The following PLCG2 variants were observed in gnomAD, a reference collection of about 807,000 sequenced individuals.
PLCG2 encodes the protein 1-phosphatidylinositol 4,5-bisphosphate phosphodiesterase gamma-2.
In PLCG2, 69 loss-of-function variants were observed where a neutral mutation model predicts 175.6. That is an observed-to-expected ratio of 0.39 (90% CI 0.32 to 0.48). The LOEUF (loss-of-function observed/expected upper bound fraction) is 0.48. Among genes scored for constraint, PLCG2 ranks in the 20% least tolerant of loss-of-function variants. The pLI, the probability that PLCG2 is intolerant of heterozygous loss-of-function variation, is 0.91. For missense variants in PLCG2, 1,798 were observed against 1,650.9 expected (o/e 1.09, Z -1.54); for synonymous variants, 827 against 624.0 (o/e 1.33, Z -4.85).
At chr16:81,875,064 A>G (rs1567510447) in intron 7 of PLCG2, among the ~76,000 whole-genome samples, 2 of 150,020 alleles carry the variant, frequency 1.3e-5, no homozygotes, top group Non-Finnish European at 2.9e-5. Context: ...TCCGGGTTCA[A>G]GCGATTCTCC....
Position 81,854,474 on chromosome 16 carries a change from C to A in PLCG2, c.224C>A (p.Pro75Gln), listed in dbSNP as rs1440269630. 11 of 1,613,922 alleles carry A rather than the reference C, an allele frequency of 6.8e-6. No homozygotes were observed. In the East Asian group the frequency reaches 2.2e-4, roughly 33 times the overall value. ...LDIMEIKEIR[P>Q]GKNSKDFERA... ...ATCATGGAAATAAAAGAAATCCGCC[C>A]AGGGAAGAACTCCAAAGATTTCGAG... The change falls in exon 3 of 33, where the codon CCA (proline) becomes CAA (glutamine). Residue 75 changes from proline (P) to glutamine (Q), a missense_variant. Physicochemically the swap from Pro to Gln is moderately conservative, Grantham distance 76 (BLOSUM62 -1). Coordinates refer to ENST00000564138, the MANE Select transcript of PLCG2 (RefSeq NM_002661.5).
At chr16:81,794,578 C>G (rs932975616) in intron 2 of PLCG2, among the ~76,000 whole-genome samples, 1 of 152,122 alleles carries the variant, frequency 6.6e-6, no homozygotes, top group Non-Finnish European at 1.5e-5. Context: ...CCTTGGGTCT[C>G]TCATGTCACC....
At chr16:81,838,607 C>G (rs1377563129) in intron 2 of PLCG2, among the ~76,000 whole-genome samples, 1 of 151,534 alleles carries the variant, frequency 6.6e-6, no homozygotes, top group Non-Finnish European at 1.5e-5. Flanking sequence ...CAGGGCCTGT[C>G]AGGGGGTGGG....
chr16:81,850,238 G>C, intron 2 of PLCG2, among the ~76,000 whole-genome samples: 1 of 152,200 alleles, frequency 6.6e-6, no homozygotes, highest in East Asian at 1.9e-4. Context: ...TTTGTTAGGT[G>C]TAAGGTTTTA....
intron 19 of PLCG2, among the ~76,000 whole-genome samples, chr16:81,914,575 T>C (rs1257140680): frequency 6.6e-6 from 1 of 152,164 alleles, no homozygotes; most frequent in African/African-American, 2.4e-5. Flanking sequence ...ATGGAAGTTT[T>C]TATTTTTTAG....
At position 81,961,227 on chromosome 16, in the gene PLCG2, A is replaced by G. The variant is rs1022622492; in HGVS notation, c.*3229A>G. On this transcript the variant is annotated 3_prime_UTR_variant, in exon 33 of 33. Coordinates refer to ENST00000564138, the MANE Select transcript of PLCG2 (RefSeq NM_002661.5). ...ATAAAGCTTCCGTTCCCATTGATGT[A>G]TCTGTGTGAACAAGGATCAACATCT... 1.3e-5 allele frequency: 3 copies of G among 225,996 alleles called. No homozygotes were observed. The highest frequency in any genetic ancestry group is 6.7e-5 in the African/African-American group (3 of 44,938). 14.0% of individuals were successfully genotyped at this position (225,996 alleles called of 1,614,324 possible).
intron 14 of PLCG2, among the ~76,000 whole-genome samples, chr16:81,903,281 A>G (rs996695722): frequency 3.3e-5 from 5 of 152,204 alleles, no homozygotes; most frequent in African/African-American, 1.2e-4. Flanking sequence ...CATTGGACAC[A>G]ATCCTTATGT....
chr16:81,788,264 T>G (rs186575368), intron 2 of PLCG2, among the ~76,000 whole-genome samples: 2 of 152,296 alleles, frequency 1.3e-5, no homozygotes, highest in African/African-American at 4.8e-5. Context: ...AAGGTTTATT[T>G]CTGAGCTGAA....
intron 2 of PLCG2, among the ~76,000 whole-genome samples, chr16:81,819,520 G>A (rs1904702581): frequency 6.6e-6 from 1 of 152,152 alleles, no homozygotes; most frequent in Non-Finnish European, 1.5e-5. Context: ...GCCCTGAGGT[G>A]TGAGATCTTC....
chr16:81,825,598 G>A (rs940928882), intron 2 of PLCG2, among the ~76,000 whole-genome samples: 2 of 152,206 alleles, frequency 1.3e-5, no homozygotes, highest in African/African-American at 4.8e-5. Context: ...CCCAGCCCGA[G>A]ATGCTCTAAT....
Position 81,923,574 on chromosome 16 carries a change from C to G in PLCG2, c.2397C>G (p.Val799=), listed in dbSNP as rs376061730. 16 of 1,611,810 alleles carry G rather than the reference C, an allele frequency of 9.9e-6. No individual in the cohort carries two copies. Among genetic ancestry groups the G allele is most frequent in the Non-Finnish European group, 1.2e-5 (14 of 1,178,188 alleles). ...SFCRGALIHN[V]SKEPGGWWKG... is the part of the protein sequence containing the mutation. ...GCCGTGGTGCCCTCATCCACAATGTCTCCAAGGAGCCCGGGGGCTGGTAAG... is the reference window on the plus strand; with the variant it reads ...GCCGTGGTGCCCTCATCCACAATGTGTCCAAGGAGCCCGGGGGCTGGTAAG... Residue 799 remains valine, a synonymous_variant, in exon 22 of 33, where the codon GTC becomes GTG. Coordinates refer to ENST00000564138, the MANE Select transcript of PLCG2 (RefSeq NM_002661.5).
intron 2 of PLCG2, among the ~76,000 whole-genome samples, chr16:81,786,538 C>T (rs575086330): frequency 1.3e-5 from 2 of 152,280 alleles, no homozygotes; most frequent in Admixed American, 6.5e-5. Flanking sequence ...GGCGAATTAG[C>T]CCAAGCCTGC....
In PLCG2 at chr16:81,802,198, C is replaced by T. The variant is rs547665978; in HGVS notation, c.193+16016C>T. On this transcript the variant is annotated intron_variant, in intron 2 of 32. Coordinates refer to ENST00000564138, the MANE Select transcript of PLCG2 (RefSeq NM_002661.5). ...CGCTATCTTGGCTCACTGCAAGCTC[C>T]GCCTCCCGGGTTCACACCATTCTCT... Among the ~76,000 whole-genome samples the T allele has an allele frequency of 6.9e-5, 10 of 144,050 alleles. No homozygotes were observed. The East Asian group carries it at 1.1e-3, about 16-fold the overall frequency. 94.5% of individuals were successfully genotyped at this position (144,050 alleles called of 152,430 possible). A position where few individuals can be genotyped will look rare whatever the true frequency, so the allele number is the denominator to read the frequency against.
intron 1 of PLCG2, among the ~76,000 whole-genome samples, chr16:81,750,271 T>G (rs559113374): frequency 2.0e-5 from 3 of 151,710 alleles, no homozygotes; most frequent in Non-Finnish European, 2.9e-5. Context: ...ACAACAAAAA[T>G]TAGCTGGACA....
chr16:81,768,512 A>G (rs1401803517), intron 2 of PLCG2, among the ~76,000 whole-genome samples: 2 of 148,236 alleles, frequency 1.3e-5, no homozygotes, highest in Non-Finnish European at 3.0e-5. Context: ...CATTTCCACC[A>G]GTGGATCCAC....
At chr16:81,876,213 C>T (rs902873929) in intron 7 of PLCG2, among the ~76,000 whole-genome samples, 1 of 151,728 alleles carries the variant, frequency 6.6e-6, no homozygotes, top group African/African-American at 2.4e-5. Context: ...TTTGTAGAGA[C>T]AGTTTCACCA....
intron 14 of PLCG2, among the ~76,000 whole-genome samples, chr16:81,904,484 A>C (rs1418455977): frequency 6.6e-6 from 1 of 152,218 alleles, no homozygotes; most frequent in Non-Finnish European, 1.5e-5. Flanking sequence ...AGAGAAGTGC[A>C]GCCACTTGCC....
At position 81,848,500 on chromosome 16, in the gene PLCG2, C is replaced by G. The variant is rs540975207; in HGVS notation, c.194-5944C>G. Among the ~76,000 whole-genome samples the G allele has an allele frequency of 2.6e-5, 4 of 152,254 alleles. No individual in the cohort carries two copies. The East Asian group carries it at 7.7e-4, about 29-fold the overall frequency. On this transcript the variant is annotated intron_variant, in intron 2 of 32. Transcript: ENST00000564138. Reference sequence around the variant, plus strand: ...CTGTCTCTCTGCCTTTGTACATGTGCGTTTGCATTTCTCTCCCTCCTTGTC... The same window carrying G: ...CTGTCTCTCTGCCTTTGTACATGTGGGTTTGCATTTCTCTCCCTCCTTGTC...
chr16:81,864,984 CATG>C (rs971650485), intron 5 of PLCG2, among the ~76,000 whole-genome samples: 1 of 152,062 alleles, frequency 6.6e-6, no homozygotes, highest in Non-Finnish European at 1.5e-5. Context: ...TCCCAGGAAA[CATG>C]ATCTGAGACG....
Sources: allele counts gnomAD v4.1 joint callset (sites outside exome capture counted in the v4.1 genomes callset), GRCh38; gene constraint gnomAD v4.1.1; transcripts MANE v1.5; gene names NCBI Gene and HGNC (gene_info 2026-07-23, HGNC 2026-07-21).